MCUR1: variants seen among roughly 807,000 people sequenced by gnomAD.
MCUR1 encodes MCU regulator 1.
Under a neutral mutation model 42.0 loss-of-function variants are expected in MCUR1, and 37 were observed. The observed-to-expected ratio is 0.88, with a 90% CI of 0.68 to 1.16. The LOEUF is 1.16. MCUR1 is among the 50% of genes most tolerant of loss of function. The pLI, the probability that MCUR1 is intolerant of heterozygous loss-of-function variation, is 0.00. For synonymous variants in MCUR1, 229 were observed against 196.2 expected (o/e 1.17, Z -1.40); for missense variants, 469 against 468.4 (o/e 1.00, Z -0.01).
chr6:13,792,109 G>C, intron 7 of MCUR1, 117 bp from the exon 8 acceptor site: 2 of 728,210 alleles, frequency 2.7e-6, no homozygotes, highest in Middle Eastern at 2.3e-4. Flanking sequence ...GACTATGGAG[G>C]CCTGGGCTTT....
rs1760129231 is a variant in MCUR1 at position 13,807,153 on chromosome 6, C to T, written c.416-109G>A. The T allele has an allele frequency of 3.3e-6, 4 of 1,228,194 alleles. No individual in the cohort carries two copies. In the East Asian group the frequency reaches 9.8e-5, roughly 30 times the overall value. The allele number at this position is 1,228,194 out of a possible 1,614,324, so 76.1% of individuals were successfully genotyped here. On this transcript the variant is annotated intron_variant, in intron 1 of 8. Transcript: ENST00000379170. ...CCAAAGCCTTCGTGGTACTTTATAA[C>T]AGCTTCGTTGAGATATACAATTCAC...
chr6:13,800,272 C>T, intron 5 of MCUR1, 69 bp downstream of exon 5: 1 of 1,025,774 alleles, frequency 9.7e-7, no homozygotes, highest in Non-Finnish European at 1.4e-6. Context: ...ACATCCATTT[C>T]TAATATTATA....
At position 13,788,640 on chromosome 6, in the gene MCUR1, A is replaced by G. The variant is rs2113447069; in HGVS notation, c.*2169T>C. On this transcript the variant is annotated 3_prime_UTR_variant, in exon 9 of 9. Transcript: ENST00000379170. ...ATAATCGCATATGGCCCTTTATGCC[A>G]CTCACCTAGGCCTTTAATAATGAGG... 1 of 152,198 alleles carries G rather than the reference A, an allele frequency of 6.6e-6. No individual in the cohort carries two copies. The highest frequency in any genetic ancestry group is 2.1e-4 in the South Asian group (1 of 4,826). 9.4% of individuals were successfully genotyped at this position (152,198 alleles called of 1,614,324 possible). A position where few individuals can be genotyped will look rare whatever the true frequency, so the allele number is the denominator to read the frequency against.
At chr6:13,791,653 T>C (rs1759729423) in intron 8 of MCUR1, among the ~76,000 whole-genome samples, 1 of 152,160 alleles carries the variant, frequency 6.6e-6, no homozygotes, top group African/African-American at 2.4e-5. Flanking sequence ...TCCAATTCTA[T>C]CAATTATAAC....
chr6:13,806,391 C>T (rs988067644), intron 2 of MCUR1, among the ~76,000 whole-genome samples: 1 of 152,250 alleles, frequency 6.6e-6, no homozygotes, highest in African/African-American at 2.4e-5. Context: ...CACTTCTGTG[C>T]TTCAGACACT....
intron 2 of MCUR1, among the ~76,000 whole-genome samples, chr6:13,804,557 G>A (rs1198432436): frequency 6.6e-6 from 1 of 151,132 alleles, no homozygotes; most frequent in Admixed American, 6.6e-5. Flanking sequence ...GGCGGATCAC[G>A]AGGTCAGGAG....
intron 4 of MCUR1, 30 bp downstream of exon 4, chr6:13,801,258 A>G (rs775248084): frequency 7.9e-6 from 11 of 1,400,366 alleles, no homozygotes; most frequent in South Asian, 5.9e-5. Flanking sequence ...AATATAATCA[A>G]CTTTCTAAGT....
rs750143031 is a variant in MCUR1, at chr6:13,807,017, T to G, written c.443A>C (p.Gln148Pro). The change falls in exon 2 of 9, where the codon CAG becomes CCG. Residue 148 changes from glutamine (Q) to proline (P), a missense_variant. Coordinates refer to ENST00000379170, the MANE Select transcript of MCUR1 (RefSeq NM_001031713.4). ...GAAATCTCTCCTTTTGCGCTCCAGC[T>G]GCAGGGATCCAGCAGACAAGCTTAG... ...RELSLSAGSLQLERKRRDFTS... is the reference protein window; with the variant it reads ...RELSLSAGSLPLERKRRDFTS... 12 of 1,613,148 alleles carry G rather than the reference T, an allele frequency of 7.4e-6. No individual in the cohort carries two copies. The highest frequency in any genetic ancestry group is 1.0e-5 in the Non-Finnish European group (12 of 1,179,320).
At chr6:13,792,523 T>A (rs1584982166) in intron 7 of MCUR1, among the ~76,000 whole-genome samples, 1 of 152,198 alleles carries the variant, frequency 6.6e-6, no homozygotes, top group Non-Finnish European at 1.5e-5. Context: ...TCTTTCATGT[T>A]CAAATATCAA....
intron 2 of MCUR1, among the ~76,000 whole-genome samples, chr6:13,805,348 T>C (rs1760093058): frequency 2.0e-5 from 3 of 152,218 alleles, no homozygotes; most frequent in Admixed American, 6.5e-5. Context: ...TTTTAAATTC[T>C]GTACTGAAAG....
Position 13,798,220 on chromosome 6 carries a change from C to A in MCUR1, c.855+613G>T, listed in dbSNP as rs543801634. On this transcript the variant is annotated intron_variant, in intron 6 of 8. Transcript: ENST00000379170. ...AAGCGATTCTCCTGCCTCAGCCTCC[C>A]GAGTAGCTGGGATTACAGGTGCCCG... Among the ~76,000 whole-genome samples the A allele has an allele frequency of 3.8e-3, 572 of 151,158 alleles. 12 individuals carry two copies. The highest frequency in any genetic ancestry group is 1.5e-3 in the Non-Finnish European group (99 of 67,724).
In MCUR1 at chr6:13,802,262, A is replaced by AT; in HGVS notation, c.619dup (p.Met207AsnfsTer32). ...GCTAACCTGCTGCATCTTGGTGACC[A>AT]TATCTTTGTAGACGATGTCCATGTT... On this transcript the variant is annotated frameshift_variant, in exon 3 of 9. Coordinates refer to ENST00000379170, the MANE Select transcript of MCUR1 (RefSeq NM_001031713.4). LOFTEE classifies it high-confidence loss of function. The AT allele has an allele frequency of 6.2e-7, 1 of 1,613,834 alleles. No homozygotes were observed.
At chr6:13,799,820 C>T (rs1435465361) in intron 5 of MCUR1, among the ~76,000 whole-genome samples, 4 of 141,986 alleles carry the variant, frequency 2.8e-5, no homozygotes, top group Admixed American at 7.2e-5. Flanking sequence ...TCCTAGAACA[C>T]AATTTTCTTT....
chr6:13,792,832 T>C (rs1192896554), intron 7 of MCUR1, among the ~76,000 whole-genome samples: 1 of 152,162 alleles, frequency 6.6e-6, no homozygotes, highest in Non-Finnish European at 1.5e-5. Flanking sequence ...AATTCTCTCA[T>C]GAAAGCCTCT....
intron 1 of MCUR1, among the ~76,000 whole-genome samples, chr6:13,808,209 C>A (rs1407000136): frequency 1.3e-5 from 2 of 152,110 alleles, no homozygotes; most frequent in Non-Finnish European, 2.9e-5. Flanking sequence ...AGATGTGGTC[C>A]CCTCAATCTT....
chr6:13,808,049 A>G (rs1215490865), intron 1 of MCUR1, among the ~76,000 whole-genome samples: 2 of 152,208 alleles, frequency 1.3e-5, no homozygotes, highest in East Asian at 3.8e-4. Context: ...GATGATGACT[A>G]GGCTATCAGG....
intron 1 of MCUR1, among the ~76,000 whole-genome samples, chr6:13,811,657 A>ACTGC (rs1760237081): frequency 6.6e-6 from 1 of 152,164 alleles, no homozygotes; most frequent in African/African-American, 2.4e-5. Context: ...ACTCTACTGG[A>ACTGC]CTGCCCCATG....
At position 13,787,028 on chromosome 6, in the gene MCUR1, G is replaced by A. The variant is rs917602917; in HGVS notation, c.*3781C>T. 1 of 152,140 alleles carries A rather than the reference G, an allele frequency of 6.6e-6. No individual in the cohort carries two copies. The allele number at this position is 152,140 out of a possible 1,614,324, so 9.4% of individuals were successfully genotyped here. A position where few individuals can be genotyped will look rare whatever the true frequency, so the allele number is the denominator to read the frequency against. Reference sequence around the variant, plus strand: ...ATTAAAATCAAAGTTTTCTAGATATGAATTCTATATACCATCTCTATATTT... The same window carrying A: ...ATTAAAATCAAAGTTTTCTAGATATAAATTCTATATACCATCTCTATATTT... On this transcript the variant is annotated 3_prime_UTR_variant, in exon 9 of 9. Transcript: ENST00000379170.
rs755924817 is a variant in MCUR1, at chr6:13,791,925, T to C, written c.977A>G (p.Lys326Arg). 3.7e-6 allele frequency: 6 copies of C among 1,613,988 alleles called. No homozygotes were observed. Among genetic ancestry groups the C allele is most frequent in the South Asian group, 1.1e-5 (1 of 91,066 alleles). Reference sequence around the variant, plus strand: ...AAGCTTGTGTGACTCAAGCATGGTTTTGAGGCCAGCAACCTCAGTTTCGAT... The same window carrying C: ...AAGCTTGTGTGACTCAAGCATGGTTCTGAGGCCAGCAACCTCAGTTTCGAT... ...RKIETEVAGL[K>R]TMLESHKLDN... is the part of the protein sequence containing the mutation. Residue 326 changes from lysine (K) to arginine (R), a missense_variant, in exon 8 of 9, where the codon AAA becomes AGA. Transcript: ENST00000379170.
Sources: gnomAD v4.1 joint callset for allele counts (sites outside exome capture counted in the v4.1 genomes callset) on GRCh38, gnomAD v4.1.1 for gene constraint, MANE v1.5 for transcripts, NCBI Gene and HGNC (gene_info 2026-07-23, HGNC 2026-07-21) for gene names.